ZBTB37: variants seen among roughly 807,000 people sequenced by gnomAD.
ZBTB37 encodes the protein zinc finger and BTB domain containing 37, also known as zinc finger and BTB domain-containing protein 37.
ZBTB37 carries 15 observed loss-of-function variants against 37.7 expected under a neutral mutation model. The ratio of observed to expected loss-of-function variants is 0.40; its 90% CI spans 0.27 to 0.61. The LOEUF is 0.61. Ranked by LOEUF, ZBTB37 falls within the 20% of genes least tolerant of loss-of-function variation. ZBTB37 has a pLI of 0.44. For synonymous variants in ZBTB37, 231 were observed against 220.6 expected (o/e 1.05, Z -0.42); for missense variants, 514 against 641.9 (o/e 0.80, Z 2.15).
Position 173,870,978 on chromosome 1 carries a change from G to A in ZBTB37, c.753G>A (p.Glu251=), listed in dbSNP as rs745375759. 9.3e-6 allele frequency: 15 copies of A among 1,614,240 alleles called. No homozygotes were observed. In the South Asian group the frequency reaches 1.5e-4, roughly 17 times the overall value. ...TACACATCAAAACTGAAAATCTGGA[G>A]GAGTGGCTTGGGCCTGAGAATCAGC... is the stretch of plus-strand genomic sequence containing the variant. Residue 251 remains glutamate, a synonymous_variant, in exon 3 of 5, where the codon GAG becomes GAA. Transcript: ENST00000427304.
At chr1:173,895,546 A>G (rs916251485) in exon 4 of ZBTB37, 3 of 152,330 alleles carry the variant, frequency 2.0e-5, no homozygotes, top group East Asian at 3.9e-4. Flanking sequence ...GGGTGGCTAC[A>G]TGGATCATAT....
intron 4 of ZBTB37, among the ~76,000 whole-genome samples, chr1:173,878,924 A>T (rs2102736668): frequency 6.6e-6 from 1 of 152,076 alleles, no homozygotes; most frequent in Admixed American, 6.6e-5. Context: ...CCCCTTCTCT[A>T]ATAAAAATAC....
exon 4 of ZBTB37, chr1:173,902,696 C>T (rs960387079): frequency 6.6e-6 from 1 of 152,148 alleles, no homozygotes; most frequent in Non-Finnish European, 1.5e-5. Context: ...TCCACCTCCC[C>T]CTCTTTCCCT....
At chr1:173,869,339 CTG>C (rs1655330382) in intron 2 of ZBTB37, among the ~76,000 whole-genome samples, 1 of 128,714 alleles carries the variant, frequency 7.8e-6, no homozygotes, top group Admixed American at 7.1e-5. Flanking sequence ...GTAGTTGAAA[CTG>C]TACTTTCAAC....
At chr1:173,902,202 C>T (rs977437867) in exon 4 of ZBTB37, 1 of 152,274 alleles carries the variant, frequency 6.6e-6, no homozygotes, top group Non-Finnish European at 1.5e-5. Context: ...TTCACTTCCT[C>T]TCAGTTGATA....
At chr1:173,878,206 T>C (rs980335840) in intron 4 of ZBTB37, among the ~76,000 whole-genome samples, 6 of 152,274 alleles carry the variant, frequency 3.9e-5, no homozygotes, top group African/African-American at 1.4e-4. Flanking sequence ...TTTTCCTTTT[T>C]AGGCTACTAT....
chr1:173,885,983 C>T (rs750216958), exon 5 of ZBTB37: 29 of 1,551,628 alleles, frequency 1.9e-5, no homozygotes, highest in African/African-American at 1.1e-4. Context: ...GCTGTATACC[C>T]CTGGAGGGGC....
chr1:173,882,796 A>T (rs933686935), intron 4 of ZBTB37, among the ~76,000 whole-genome samples: 2 of 152,138 alleles, frequency 1.3e-5, no homozygotes, highest in Admixed American at 1.3e-4. Flanking sequence ...TTTCTACATA[A>T]GGCTAGCCAG....
chr1:173,869,514 G>A (rs1261730968), intron 2 of ZBTB37, among the ~76,000 whole-genome samples: 1 of 152,148 alleles, frequency 6.6e-6, no homozygotes, highest in Non-Finnish European at 1.5e-5. Context: ...TGCCAACTTC[G>A]AATTTGGCAG....
chr1:173,870,821 T>C (rs770384235), exon 3 of ZBTB37: 1 of 1,614,212 alleles, frequency 6.2e-7, no homozygotes, highest in Admixed American at 1.7e-5. Flanking sequence ...CCTCAGATCA[T>C]TGAACCAAGT....
At chr1:173,881,076 G>T (rs897364550) in intron 4 of ZBTB37, among the ~76,000 whole-genome samples, 2 of 151,698 alleles carry the variant, frequency 1.3e-5, no homozygotes, top group African/African-American at 2.4e-5. Flanking sequence ...TTTACATTAG[G>T]TATATCTCCT....
At chr1:173,872,022 A>G (rs570297198) in intron 3 of ZBTB37, among the ~76,000 whole-genome samples, 259 of 152,344 alleles carry the variant, frequency 1.7e-3, no homozygotes, top group African/African-American at 5.9e-3. Context: ...TATCACAGAG[A>G]TTCAGTTAGT....
chr1:173,886,491 A>C, exon 5 of ZBTB37: 1 of 176,406 alleles, frequency 5.7e-6, no homozygotes, highest in Non-Finnish European at 1.2e-5. Context: ...CTTGGTGGCT[A>C]TAATTGCCCG....
intron 2 of ZBTB37, among the ~76,000 whole-genome samples, chr1:173,869,960 A>T (rs1250427413): frequency 6.6e-6 from 1 of 152,232 alleles, no homozygotes; most frequent in African/African-American, 2.4e-5. Context: ...CATGGTCATA[A>T]CATGAATTTT....
intron 4 of ZBTB37, among the ~76,000 whole-genome samples, chr1:173,880,642 A>G (rs955517211): frequency 6.6e-6 from 1 of 152,252 alleles, no homozygotes; most frequent in Non-Finnish European, 1.5e-5. Flanking sequence ...GAGAGGAATG[A>G]AATAATCCAC....
At chr1:173,868,580 G>T (rs1050347590) in intron 1 of ZBTB37, among the ~76,000 whole-genome samples, 175 bp downstream of exon 1, 5 of 152,170 alleles carry the variant, frequency 3.3e-5, no homozygotes, top group Non-Finnish European at 7.4e-5. Flanking sequence ...CGGCCGGGCT[G>T]ATCTGCCGGA....
At chr1:173,896,387 T>C (rs1402181749) in exon 4 of ZBTB37, 6 of 152,216 alleles carry the variant, frequency 3.9e-5, no homozygotes, top group South Asian at 2.1e-4. Flanking sequence ...TTTGAAAATA[T>C]TGTCCCAGGG....
At chr1:173,889,293 C>G, downstream of ZBTB37, 1 of 152,214 alleles carries the variant, frequency 6.6e-6, no homozygotes, top group East Asian at 1.9e-4. Flanking sequence ...TAATGAACAG[C>G]TATTGGTGTA....
intron 2 of ZBTB37, 38 bp from the exon 3 acceptor site, chr1:173,870,162 A>G (rs1420579321): frequency 1.3e-5 from 17 of 1,336,898 alleles, no homozygotes; most frequent in African/African-American, 3.0e-5. Context: ...AAGTAAAATT[A>G]TAATTATTAA....
Sources: gnomAD v4.1 joint callset for allele counts (sites outside exome capture counted in the v4.1 genomes callset) on GRCh38, gnomAD v4.1.1 for gene constraint, MANE v1.5 for transcripts, NCBI Gene and HGNC (gene_info 2026-07-23, HGNC 2026-07-21) for gene names.